NPC1L1: variants seen among roughly 807,000 people sequenced by gnomAD.
NPC1L1 encodes NPC1-like intracellular cholesterol transporter 1.
NPC1L1 carries 98 observed loss-of-function variants against 117.0 expected under a neutral mutation model. That is an observed-to-expected ratio of 0.84 (90% CI 0.71 to 0.99). The LOEUF is 0.99. NPC1L1 is among the 50% of genes least tolerant of loss of function. The pLI is 0.00. For missense variants in NPC1L1, 1,540 were observed against 1,710.0 expected, an observed-to-expected ratio of 0.90 and a Z score of 1.75; for synonymous variants, 729 against 727.6, an observed-to-expected ratio of 1.00 and a Z score of -0.03.
At chr7:44,531,709 T>A in intron 10 of NPC1L1, 46 bp downstream of exon 10, 1 of 1,524,396 alleles carries the variant, frequency 6.6e-7, no homozygotes, top group South Asian at 1.2e-5. Context: ...CTACTGCCCC[T>A]CCCCAAATCC....
chr7:44,523,419 G>A (rs748780862), intron 10 of NPC1L1, among the ~76,000 whole-genome samples: 5 of 152,156 alleles, frequency 3.3e-5, no homozygotes, highest in Non-Finnish European at 5.9e-5. Context: ...ATAAGGCTTG[G>A]ACAGTAAATT....
rs368846194 is a variant in NPC1L1, at chr7:44,535,831, G to C, written c.1983+9C>G. On this transcript the variant is annotated intron_variant, in intron 5 of 18. Transcript: ENST00000381160. Reference sequence around the variant, plus strand: ...TAGCCCACTTAGCTGTGTCCCTCCCGCTTCTCACCATCACTCGGCTCCAGC... The same window carrying C: ...TAGCCCACTTAGCTGTGTCCCTCCCCCTTCTCACCATCACTCGGCTCCAGC... 2.5e-6 allele frequency: 4 copies of C among 1,612,300 alleles called. No individual in the cohort carries two copies. The African/African-American group carries it at 5.3e-5, about 22-fold the overall frequency.
At chr7:44,527,461 C>CAAAAAAAAA (rs1160435212) in intron 10 of NPC1L1, among the ~76,000 whole-genome samples, 2 of 40,094 alleles carry the variant, frequency 5.0e-5, no homozygotes, top group African/African-American at 8.4e-5. Flanking sequence ...AACAACTTCT[C>CAAAAAAAAA]AAAAAAAAAA....
intron 10 of NPC1L1, among the ~76,000 whole-genome samples, chr7:44,526,512 G>A (rs116561912): frequency 0.015 from 2,147 of 138,638 alleles, 47 homozygotes; most frequent in African/African-American, 0.056. Flanking sequence ...TCACACCACC[G>A]CACTCCAATC....
At chr7:44,518,956 C>CT (rs1397685983) in intron 14 of NPC1L1, among the ~76,000 whole-genome samples, 6 of 149,028 alleles carry the variant, frequency 4.0e-5, no homozygotes, top group African/African-American at 1.5e-4. Context: ...CTTTCTTTTT[C>CT]TTCCTTCCTT....
In NPC1L1 at chr7:44,533,471, G is replaced by A. The variant is rs777760835; in HGVS notation, c.2369C>T (p.Ala790Val). ...VILDFLLQMS[A>V]FVALLSLDSK... is the part of the protein sequence containing the mutation. ...GTCCAGGGAGAGCAGGGCCACAAAG[G>A]CTGACATCTGCAGGAGGAAGTCAAG... The change falls in exon 8 of 19, where the codon GCC becomes GTC. Residue 790 changes from alanine (A) to valine (V), a missense_variant. This residue lies in a region of NPC1L1 where 742 missense variants were observed against 873.6 expected (regional missense o/e 0.85). Transcript: ENST00000381160. The A allele has an allele frequency of 6.2e-7, 1 of 1,614,068 alleles. No homozygotes were observed. Among genetic ancestry groups the A allele is most frequent in the Admixed American group, 1.7e-5 (1 of 60,026 alleles).
chr7:44,517,305 T>C lies in NPC1L1; in HGVS notation c.3189A>G (p.Thr1063=). ...GCTCTCGAGCTGCCCGCAGAGCTTC[T>C]GTGTAATCCTGTGAGTTTTTCAGGG... ...HKPLKNSQDY[T]EALRAARELA... The change falls in exon 15 of 19, where the codon ACA becomes ACG. Residue 1063 remains threonine (T), a synonymous_variant. Coordinates refer to ENST00000381160, the MANE Select transcript of NPC1L1 (RefSeq NM_001101648.2). 1 of 1,614,080 alleles carries C rather than the reference T, an allele frequency of 6.2e-7. No individual in the cohort carries two copies. The highest frequency in any genetic ancestry group is 1.1e-5 in the South Asian group (1 of 91,090).
chr7:44,515,293 G>A (rs922932520), intron 18 of NPC1L1, among the ~76,000 whole-genome samples: 1 of 152,098 alleles, frequency 6.6e-6, no homozygotes, highest in Non-Finnish European at 1.5e-5. Flanking sequence ...AGTCAAGGTG[G>A]CAGTGAGCTG....
At position 44,536,952 on chromosome 7, in the gene NPC1L1, G is replaced by A. The variant is rs1235522650; in HGVS notation, c.1581-10C>T. 1.2e-6 allele frequency: 2 copies of A among 1,612,190 alleles called. No individual in the cohort carries two copies. The highest frequency in any genetic ancestry group is 1.7e-5 in the Admixed American group (1 of 59,986). The stretch of plus-strand genomic sequence containing the variant: ...GAAGGTGAGCGGGGCACTAGAGGGA[G>A]ATGACCGCAAAGGGAAAGGGCCTTT... On this transcript the variant is annotated splice_polypyrimidine_tract_variant and intron_variant, in intron 2 of 18. Coordinates refer to ENST00000381160, the MANE Select transcript of NPC1L1 (RefSeq NM_001101648.2). The surrounding 1 kb of genome is among the most constrained non-coding windows in gnomAD (Gnocchi z 4.7).
intron 12 of NPC1L1, among the ~76,000 whole-genome samples, 159 bp from the exon 13 acceptor site, chr7:44,521,277 C>A (rs1460676788): frequency 6.6e-6 from 1 of 152,174 alleles, no homozygotes; most frequent in African/African-American, 2.4e-5. Context: ...GGGAGAAGTT[C>A]TCCTCTTGGC....
rs532943653 is a variant in NPC1L1, at chr7:44,525,779, A to G, written c.2638-3537T>C. ...AGAAAATATTGAAAAAAAAGAAGTG[A>G]CTTGGCATATACAAAAGATCCTCAA... On this transcript the variant is annotated intron_variant, in intron 10 of 18. Transcript: ENST00000381160. Among the ~76,000 whole-genome samples, 6 of 152,352 alleles carry G rather than the reference A, an allele frequency of 3.9e-5. No individual in the cohort carries two copies. In the South Asian group the frequency reaches 8.3e-4, roughly 21 times the overall value.
chr7:44,529,110 A>AACACACAC (rs59108479), intron 10 of NPC1L1, among the ~76,000 whole-genome samples: 22 of 123,032 alleles, frequency 1.8e-4, no homozygotes, highest in South Asian at 5.8e-4. Context: ...GAATGAATTA[A>AACACACAC]ACACACACAC....
intron 14 of NPC1L1, among the ~76,000 whole-genome samples, chr7:44,517,599 T>C (rs1222113001): frequency 6.6e-6 from 1 of 152,208 alleles, no homozygotes; most frequent in Admixed American, 6.5e-5. Flanking sequence ...TGACCTTTGA[T>C]GAGTGAAGCC....
chr7:44,521,529 G>T (rs1253831157), intron 12 of NPC1L1, among the ~76,000 whole-genome samples, 183 bp downstream of exon 12: 3 of 152,228 alleles, frequency 2.0e-5, no homozygotes, highest in Admixed American at 1.3e-4. Context: ...GGCCAGCACG[G>T]TCACCCACAC....
At chr7:44,517,417 A>G (rs1801226132) in intron 14 of NPC1L1, 60 bp from the exon 15 acceptor site, 34 of 1,590,262 alleles carry the variant, frequency 2.1e-5, no homozygotes, top group Middle Eastern at 3.5e-4. Context: ...TTCCAGGACA[A>G]CTTCAGAACA....
chr7:44,537,238 G>C (rs554534343), intron 2 of NPC1L1, among the ~76,000 whole-genome samples: 2 of 152,210 alleles, frequency 1.3e-5, no homozygotes, highest in African/African-American at 4.8e-5. Flanking sequence ...GGGCTGCTCC[G>C]GGACCTGTCC....
intron 8 of NPC1L1, 130 bp downstream of exon 8, chr7:44,533,301 C>G: frequency 1.8e-6 from 2 of 1,120,932 alleles, no homozygotes; most frequent in Non-Finnish European, 2.6e-6. Context: ...AAATATTACT[C>G]TCCTGGCACA....
At chr7:44,520,883 C>T in intron 13 of NPC1L1, 63 bp from the exon 14 acceptor site, 1 of 1,612,154 alleles carries the variant, frequency 6.2e-7, no homozygotes, top group Non-Finnish European at 8.5e-7. Flanking sequence ...GCCCAGCCCA[C>T]AGCCACCCCA....
At chr7:44,521,194 C>T in intron 12 of NPC1L1, 76 bp from the exon 13 acceptor site, 1 of 1,602,180 alleles carries the variant, frequency 6.2e-7, no homozygotes, top group Non-Finnish European at 8.5e-7. Flanking sequence ...CCTTCCCCAA[C>T]AATCCCATCA....
Sources: gnomAD v4.1 joint callset for allele counts (sites outside exome capture counted in the v4.1 genomes callset) on GRCh38, gnomAD v4.1.1 for gene constraint, gnomAD v4.1.1 regional missense constraint, Gnocchi (gnomAD v3.1) non-coding constraint, MANE v1.5 for transcripts, NCBI Gene and HGNC (gene_info 2026-07-23, HGNC 2026-07-21) for gene names.